Variants in TRERF1 observed in about 807,000 individuals in gnomAD.
TRERF1 encodes the protein transcriptional regulating factor 1.
A neutral mutation model predicts 122.9 loss-of-function variants in TRERF1; 27 were observed. That is an observed-to-expected ratio of 0.22 (90% CI 0.16 to 0.30). The LOEUF is 0.30. Ranked by LOEUF, TRERF1 falls within the 10% of genes least tolerant of loss-of-function variation. The pLI is 1.00. For missense variants in TRERF1, 1,248 were observed against 1,560.3 expected, an observed-to-expected ratio of 0.80 and a Z score of 3.37; for synonymous variants, 636 against 641.7, an observed-to-expected ratio of 0.99 and a Z score of 0.13.
intron 5 of TRERF1, among the ~76,000 whole-genome samples, chr6:42,266,188 CTTT>C (rs34950753): frequency 1.6e-4 from 21 of 128,058 alleles, no homozygotes; most frequent in Admixed American, 1.6e-4. Context: ...TGATGGAATT[CTTT>C]TTTTTTTTTT....
chr6:42,233,247 T>C (rs994783512), intron 16 of TRERF1, among the ~76,000 whole-genome samples: 2 of 151,662 alleles, frequency 1.3e-5, no homozygotes, highest in Non-Finnish European at 2.9e-5. Context: ...TTTTTTTCCA[T>C]CTGAGGAATG....
At chr6:42,257,219 G>A in intron 10 of TRERF1, 117 bp from the exon 11 acceptor site, 3 of 1,284,296 alleles carry the variant, frequency 2.3e-6, no homozygotes, top group Non-Finnish European at 2.2e-6. Context: ...AGAATGCAGG[G>A]GCATTTCCTC....
chr6:42,300,795 C>T (rs1786022651), intron 3 of TRERF1, 46 bp from the exon 4 acceptor site: 1 of 152,594 alleles, frequency 6.6e-6, no homozygotes, highest in Non-Finnish European at 1.5e-5. Flanking sequence ...ATCATTTGCT[C>T]CTAGCTCTTC....
intron 4 of TRERF1, among the ~76,000 whole-genome samples, chr6:42,289,347 C>A (rs113065062): frequency 0.093 from 10,458 of 112,088 alleles, 1,234 homozygotes; most frequent in African/African-American, 0.3. Context: ...AACAAACAAA[C>A]AAAAAAAAAA....
intron 3 of TRERF1, among the ~76,000 whole-genome samples, chr6:42,326,390 T>C (rs1462194457): frequency 6.6e-6 from 1 of 152,206 alleles, no homozygotes; most frequent in East Asian, 1.9e-4. Flanking sequence ...TATAACACAA[T>C]TGCTTTATCA....
At chr6:42,383,735 C>G (rs1776351436) in intron 2 of TRERF1, among the ~76,000 whole-genome samples, 1 of 151,974 alleles carries the variant, frequency 6.6e-6, no homozygotes, top group Non-Finnish European at 1.5e-5. Flanking sequence ...GTGGGCTACA[C>G]AAAATACAGA....
At chr6:42,437,003 C>T (rs1785566585) in intron 2 of TRERF1, among the ~76,000 whole-genome samples, 2 of 151,968 alleles carry the variant, frequency 1.3e-5, no homozygotes, top group South Asian at 4.2e-4. Context: ...TGAGCCTGAT[C>T]CAGAGACTGC....
chr6:42,245,339 A>C (rs1482450653), intron 14 of TRERF1, among the ~76,000 whole-genome samples: 1 of 152,244 alleles, frequency 6.6e-6, no homozygotes, highest in African/African-American at 2.4e-5. Flanking sequence ...GGCAAGTCAG[A>C]GACAAAGTCC....
intron 4 of TRERF1, among the ~76,000 whole-genome samples, chr6:42,280,061 A>T (rs191643055): frequency 6.6e-5 from 10 of 152,200 alleles, no homozygotes; most frequent in African/African-American, 2.4e-4. Flanking sequence ...GTAGAAGCCC[A>T]GGGTATCCCA....
In TRERF1 at chr6:42,268,547, A is replaced by C; in HGVS notation, c.1044T>G (p.Pro348=). 1 of 1,614,074 alleles carries C rather than the reference A, an allele frequency of 6.2e-7. No individual in the cohort carries two copies. The highest frequency in any genetic ancestry group is 8.5e-7 in the Non-Finnish European group (1 of 1,179,998). ...GGTGAGGGTCCCTGTGATAAGAAGGAGGCTGCAGGTGCATCTGTTGCTGCT... is the reference window on the plus strand; with the variant it reads ...GGTGAGGGTCCCTGTGATAAGAAGGCGGCTGCAGGTGCATCTGTTGCTGCT... Residue 348 remains proline (P), a synonymous_variant, in exon 5 of 18, where the codon CCT becomes CCG. Coordinates refer to ENST00000372922, the Ensembl canonical transcript of TRERF1. The surrounding 1 kb of genome is among the most constrained non-coding windows in gnomAD (Gnocchi z 4.4).
intron 14 of TRERF1, among the ~76,000 whole-genome samples, chr6:42,243,957 C>CA (rs1774272677): frequency 6.7e-6 from 1 of 150,068 alleles, no homozygotes; most frequent in Admixed American, 6.7e-5. Context: ...TGGCTCACTG[C>CA]AACCTCCACC....
At chr6:42,291,180 G>A (rs1000198539) in intron 4 of TRERF1, among the ~76,000 whole-genome samples, 10 of 152,238 alleles carry the variant, frequency 6.6e-5, no homozygotes, top group Non-Finnish European at 1.2e-4. Flanking sequence ...AAGGTTGCAT[G>A]ATTGGTGATG....
chr6:42,286,757 G>A (rs374274259), intron 4 of TRERF1, among the ~76,000 whole-genome samples: 4 of 127,642 alleles, frequency 3.1e-5, no homozygotes, highest in South Asian at 2.9e-4. Context: ...ATCTAGAACT[G>A]GAAATACCAT....
At chr6:42,258,891 T>C (rs1777267553) in intron 9 of TRERF1, among the ~76,000 whole-genome samples, 1 of 152,144 alleles carries the variant, frequency 6.6e-6, no homozygotes. Context: ...CGTGCCACCA[T>C]GCCCGGCTAA....
At chr6:42,244,674 T>C (rs1046512358) in intron 14 of TRERF1, among the ~76,000 whole-genome samples, 9 of 152,220 alleles carry the variant, frequency 5.9e-5, no homozygotes, top group African/African-American at 2.2e-4. Flanking sequence ...AGCAGCTGCT[T>C]TTTCATTTAA....
intron 2 of TRERF1, among the ~76,000 whole-genome samples, chr6:42,421,254 T>TG (rs1326928365): frequency 6.6e-6 from 1 of 152,240 alleles, no homozygotes; most frequent in African/African-American, 2.4e-5. Context: ...TATTATTAAA[T>TG]GGTAGCTTGG....
intron 2 of TRERF1, among the ~76,000 whole-genome samples, chr6:42,428,320 C>G (rs561835129): frequency 2.0e-5 from 3 of 152,346 alleles, no homozygotes; most frequent in East Asian, 3.8e-4. Flanking sequence ...GTTCTGCAGA[C>G]TTGATTATTC....
intron 2 of TRERF1, among the ~76,000 whole-genome samples, chr6:42,390,083 T>A (rs888678582): frequency 2.6e-5 from 4 of 152,056 alleles, no homozygotes; most frequent in African/African-American, 9.7e-5. Flanking sequence ...AGTCATCAGG[T>A]GGAAATGAAA....
chr6:42,260,949 G>A (rs1777728166), intron 8 of TRERF1, among the ~76,000 whole-genome samples: 1 of 152,170 alleles, frequency 6.6e-6, no homozygotes, highest in Admixed American at 6.5e-5. Flanking sequence ...TAGGGAGGCA[G>A]AGAGTGGGGA....
Sources: allele counts gnomAD v4.1 joint callset (sites outside exome capture counted in the v4.1 genomes callset), GRCh38; gene constraint gnomAD v4.1.1; non-coding constraint Gnocchi (gnomAD v3.1); transcripts MANE v1.5; gene names NCBI Gene and HGNC (gene_info 2026-07-23, HGNC 2026-07-21).